The following TPD52L1 variants were observed in gnomAD, a reference collection of about 807,000 sequenced individuals.
The protein encoded by TPD52L1 is tumor protein D53.
Under a neutral mutation model 28.7 loss-of-function variants are expected in TPD52L1, and 18 were observed. The ratio of observed to expected loss-of-function variants is 0.63; its 90% CI spans 0.43 to 0.93. The LOEUF (loss-of-function observed/expected upper bound fraction) is 0.93, where lower values mean the gene tolerates loss of function less well. Among genes scored for constraint, TPD52L1 ranks in the 40% least tolerant of loss-of-function variants. TPD52L1 has a pLI of 0.00. For synonymous variants in TPD52L1, 75 were observed against 88.8 expected, an observed-to-expected ratio of 0.84 and a Z score of 0.88; for missense variants, 203 against 254.8, an observed-to-expected ratio of 0.80 and a Z score of 1.39.
chr6:125,154,937 G>GA (rs372603840), intron 1 of TPD52L1, among the ~76,000 whole-genome samples: 12,058 of 145,694 alleles, frequency 0.083, 843 homozygotes, highest in African/African-American at 0.2. Flanking sequence ...TCATTAAAAA[G>GA]AAAAAAAAAA....
chr6:125,154,059 G>T, intron 1 of TPD52L1, 89 bp downstream of exon 1: 1 of 1,512,154 alleles, frequency 6.6e-7, no homozygotes, highest in Non-Finnish European at 8.9e-7. Flanking sequence ...CTCTCGGACA[G>T]AACAGATTGG....
At chr6:125,210,728 A>G (rs1190278364) in intron 1 of TPD52L1, among the ~76,000 whole-genome samples, 1 of 152,212 alleles carries the variant, frequency 6.6e-6, no homozygotes, top group Non-Finnish European at 1.5e-5. Context: ...GTATGACCAG[A>G]TTGGGAGCTA....
rs192233155 is a variant in TPD52L1, at chr6:125,193,747, C to T, written c.20-26331C>T. Among the ~76,000 whole-genome samples, 8 of 152,010 alleles carry T rather than the reference C, an allele frequency of 5.3e-5. No individual in the cohort carries two copies. In the South Asian group the frequency reaches 6.3e-4, roughly 12 times the overall value. On this transcript the variant is annotated intron_variant, in intron 1 of 6. Coordinates refer to ENST00000534000, the MANE Select transcript of TPD52L1 (RefSeq NM_003287.4). ...ATTAATTCATGTGTGTATATATGTC[C>T]TCCTCTCCCAATTCCAGCATCAGTG...
intron 3 of TPD52L1, among the ~76,000 whole-genome samples, chr6:125,235,409 G>GA (rs551124948): frequency 2.0e-5 from 3 of 151,598 alleles, no homozygotes; most frequent in Admixed American, 6.6e-5. Context: ...CAGCTAAAAA[G>GA]AAAAAAAAGT....
chr6:125,173,989 A>T (rs1791665149), intron 1 of TPD52L1, among the ~76,000 whole-genome samples: 1 of 152,188 alleles, frequency 6.6e-6, no homozygotes, highest in African/African-American at 2.4e-5. Flanking sequence ...AAAGATTTGG[A>T]TTCATTTCCC....
In TPD52L1 at chr6:125,211,261, GTCTATCTATCTA is replaced by G. The variant is rs58864276; in HGVS notation, c.20-8782_20-8771del. On this transcript the variant is annotated intron_variant, in intron 1 of 6. Coordinates refer to ENST00000534000, the MANE Select transcript of TPD52L1 (RefSeq NM_003287.4). ...ATTTCATTTTTAGATATATGGATCTGTCTATCTATCTATCTATCTATCTATCTATCTATCTAT... is the reference window on the plus strand; with the variant it reads ...ATTTCATTTTTAGATATATGGATCTGTCTATCTATCTATCTATCTATCTAT... Among the ~76,000 whole-genome samples the G allele has an allele frequency of 8.1e-3, 1,208 of 148,954 alleles. 12 individuals carry two copies. The highest frequency in any genetic ancestry group is 0.014 in the African/African-American group (587 of 40,488).
At chr6:125,214,142 A>G (rs1794702202) in intron 1 of TPD52L1, among the ~76,000 whole-genome samples, 1 of 152,042 alleles carries the variant, frequency 6.6e-6, no homozygotes, top group Non-Finnish European at 1.5e-5. Flanking sequence ...AGGACTAGAC[A>G]TTTGCTAACC....
At chr6:125,227,612 T>A (rs1200726478) in intron 2 of TPD52L1, among the ~76,000 whole-genome samples, 1 of 152,240 alleles carries the variant, frequency 6.6e-6, no homozygotes, top group African/African-American at 2.4e-5. Context: ...GTAGTTCTAA[T>A]GATTCTTTTC....
intron 4 of TPD52L1, chr6:125,251,921 G>T: frequency 8.3e-7 from 1 of 1,208,120 alleles, no homozygotes; most frequent in South Asian, 1.3e-5. Flanking sequence ...TCTGTGCTCT[G>T]GGGCCCTTGA....
chr6:125,259,299 G>T (rs1277652859), intron 6 of TPD52L1, among the ~76,000 whole-genome samples: 2 of 152,276 alleles, frequency 1.3e-5, no homozygotes, highest in Non-Finnish European at 2.9e-5. Flanking sequence ...ATAAGGTTCT[G>T]CTATAAAGGT....
At chr6:125,211,939 A>G (rs1397112859) in intron 1 of TPD52L1, among the ~76,000 whole-genome samples, 4 of 152,246 alleles carry the variant, frequency 2.6e-5, no homozygotes, top group Non-Finnish European at 5.9e-5. Flanking sequence ...CACAGAAAGT[A>G]CAATTCTAAT....
intron 6 of TPD52L1, chr6:125,261,493 A>G (rs1487534307): frequency 2.0e-5 from 3 of 152,108 alleles, no homozygotes; most frequent in African/African-American, 7.2e-5. Context: ...TTTCTACATT[A>G]TGAAAAACAA....
At chr6:125,254,233 ATGTT>A (rs1797456572) in intron 5 of TPD52L1, among the ~76,000 whole-genome samples, 2 of 152,214 alleles carry the variant, frequency 1.3e-5, no homozygotes, top group African/African-American at 4.8e-5. Context: ...TTAAGGTGAG[ATGTT>A]TGTTAAATAA....
chr6:125,242,248 GAA>G (rs1271331788), intron 3 of TPD52L1, among the ~76,000 whole-genome samples: 3 of 152,020 alleles, frequency 2.0e-5, no homozygotes, highest in Non-Finnish European at 4.4e-5. Context: ...ATGTGCTGAT[GAA>G]AAGAGTGTAT....
chr6:125,155,839 A>G (rs1332976278), intron 1 of TPD52L1, among the ~76,000 whole-genome samples: 1 of 152,212 alleles, frequency 6.6e-6, no homozygotes, highest in Non-Finnish European at 1.5e-5. Context: ...CCCATGAGGT[A>G]GTTCATATTC....
At chr6:125,165,167 A>C (rs1382063451) in intron 1 of TPD52L1, among the ~76,000 whole-genome samples, 3 of 149,948 alleles carry the variant, frequency 2.0e-5, no homozygotes, top group Non-Finnish European at 4.4e-5. Context: ...ACAAGAAAAA[A>C]TTTACTGAGT....
intron 1 of TPD52L1, among the ~76,000 whole-genome samples, chr6:125,162,350 T>C (rs1230858917): frequency 1.3e-5 from 2 of 152,232 alleles, no homozygotes; most frequent in African/African-American, 4.8e-5. Flanking sequence ...TTCCCTGTTA[T>C]ACACCTTATT....
At chr6:125,253,026 A>T (rs1040433663) in intron 4 of TPD52L1, 3 of 152,326 alleles carry the variant, frequency 2.0e-5, no homozygotes, top group African/African-American at 4.8e-5. Flanking sequence ...AGTGGAACTC[A>T]ATAGAAAGTA....
At chr6:125,243,283 A>G (rs1243845076) in intron 3 of TPD52L1, among the ~76,000 whole-genome samples, 1 of 152,102 alleles carries the variant, frequency 6.6e-6, no homozygotes, top group Non-Finnish European at 1.5e-5. Flanking sequence ...CTGTGTGCCT[A>G]TGTGATGATC....
Sources: gnomAD v4.1 joint callset for allele counts (sites outside exome capture counted in the v4.1 genomes callset) on GRCh38, gnomAD v4.1.1 for gene constraint, MANE v1.5 for transcripts, NCBI Gene and HGNC (gene_info 2026-07-23, HGNC 2026-07-21) for gene names.